The following IL7 variants were observed in gnomAD, a reference collection of about 807,000 sequenced individuals.
IL7 encodes the protein interleukin 7, also known as interleukin-7.
A neutral mutation model predicts 21.6 loss-of-function variants in IL7; 3 were observed. That is an observed-to-expected ratio of 0.14 (90% confidence interval 0.06 to 0.36). IL7 has a LOEUF of 0.36. Among genes scored for constraint, IL7 ranks in the 10% least tolerant of loss-of-function variants. IL7 has a pLI of 1.00. For synonymous variants in IL7, 62 were observed against 68.1 expected, an observed-to-expected ratio of 0.91 and a Z score of 0.44; for missense variants, 175 against 200.2, an observed-to-expected ratio of 0.87 and a Z score of 0.76.
chr8:78,761,632 G>A, intron 2 of IL7: 7 of 1,611,952 alleles, frequency 4.3e-6, no homozygotes, highest in Non-Finnish European at 5.9e-6. Context: ...CCACTACATC[G>A]TCAGTGATAA....
At chr8:78,769,650 C>A (rs958417615) in intron 2 of IL7, among the ~76,000 whole-genome samples, 38 of 152,238 alleles carry the variant, frequency 2.5e-4, no homozygotes, top group Non-Finnish European at 5.3e-4. Context: ...CATCAAGCTA[C>A]CAATGACTTT....
At chr8:78,759,736 G>T (rs929858993) in intron 2 of IL7, among the ~76,000 whole-genome samples, 6 of 152,112 alleles carry the variant, frequency 3.9e-5, no homozygotes, top group African/African-American at 1.4e-4. Context: ...TTAGTCAAAG[G>T]TCAATTGTGG....
At chr8:78,717,204 A>G, downstream of IL7, 1 of 826,446 alleles carries the variant, frequency 1.2e-6, no homozygotes, top group Admixed American at 3.4e-5. Context: ...AATTTGAACT[A>G]GAGGAATATT....
chr8:78,705,297 T>C (rs1190960200), intron 3 of IL7, among the ~76,000 whole-genome samples: 1 of 152,222 alleles, frequency 6.6e-6, no homozygotes, highest in Non-Finnish European at 1.5e-5. Context: ...TGGATGGGTT[T>C]GTTTTTTTGA....
chr8:78,793,548 CT>C (rs1813762595), intron 2 of IL7, among the ~76,000 whole-genome samples: 1 of 152,120 alleles, frequency 6.6e-6, no homozygotes. Context: ...CTGAAAAATG[CT>C]AACAATCATC....
At chr8:78,790,681 T>A (rs1292137044) in intron 2 of IL7, among the ~76,000 whole-genome samples, 1 of 151,938 alleles carries the variant, frequency 6.6e-6, no homozygotes, top group Non-Finnish European at 1.5e-5. Flanking sequence ...TAGATAATTT[T>A]AAAATAAAGA....
At chr8:78,781,374 T>C (rs1417460587) in intron 2 of IL7, among the ~76,000 whole-genome samples, 1 of 152,228 alleles carries the variant, frequency 6.6e-6, no homozygotes. Flanking sequence ...CTTTCCATAT[T>C]TAGTGCTTCC....
chr8:78,696,607 C>T (rs1339565767), intron 3 of IL7, among the ~76,000 whole-genome samples: 2 of 152,078 alleles, frequency 1.3e-5, no homozygotes, highest in Non-Finnish European at 2.9e-5. Flanking sequence ...AAAGATGTCT[C>T]TTTAGAGGAG....
chr8:78,752,480 C>G (rs1000052177), intron 2 of IL7, among the ~76,000 whole-genome samples: 1 of 152,136 alleles, frequency 6.6e-6, no homozygotes, highest in Non-Finnish European at 1.5e-5. Context: ...GGTGTGATAG[C>G]TCATTGTGGT....
intron 4 of IL7, among the ~76,000 whole-genome samples, chr8:78,683,621 C>T (rs1343021511): frequency 2.0e-5 from 3 of 151,996 alleles, no homozygotes; most frequent in Admixed American, 6.6e-5. Context: ...GAGGGGCTGC[C>T]CTGAAGGTCT....
chr8:78,751,092 A>C (rs1586068872), intron 2 of IL7, among the ~76,000 whole-genome samples: 1 of 70,888 alleles, frequency 1.4e-5, no homozygotes, highest in Non-Finnish European at 2.7e-5. Flanking sequence ...GCAAAAATTC[A>C]AAAAAAAAAA....
chr8:78,686,170 G>A (rs1809963626), intron 3 of IL7, among the ~76,000 whole-genome samples: 2 of 152,128 alleles, frequency 1.3e-5, no homozygotes, highest in African/African-American at 2.4e-5. Flanking sequence ...ATGAGTTTTG[G>A]AGGGAACATT....
intron 2 of IL7, among the ~76,000 whole-genome samples, chr8:78,779,249 C>T (rs1813236039): frequency 6.6e-6 from 1 of 152,078 alleles, no homozygotes; most frequent in Non-Finnish European, 1.5e-5. Flanking sequence ...GCCTGATTGC[C>T]CTGGCCAGAA....
At chr8:78,762,390 G>C in intron 2 of IL7, 3 of 1,612,002 alleles carry the variant, frequency 1.9e-6, no homozygotes, top group Admixed American at 1.7e-5. Flanking sequence ...CGGACTGCGT[G>C]CTCTTCCGCG....
chr8:78,761,747 G>A, intron 2 of IL7: 3 of 1,611,946 alleles, frequency 1.9e-6, no homozygotes, highest in Non-Finnish European at 2.5e-6. Context: ...ACAAAACAAC[G>A]TGTTAACTGC....
At chr8:78,689,199 G>GT (rs1416265043) in intron 3 of IL7, 1 of 1,445,774 alleles carries the variant, frequency 6.9e-7, no homozygotes, top group Non-Finnish European at 9.2e-7. Context: ...CTATTAATCT[G>GT]TTTCCGTTTT....
rs1811981603 is a variant in IL7 at position 78,746,477 on chromosome 8, G to C, written c.148-6395C>G. Among the ~76,000 whole-genome samples the C allele has an allele frequency of 4.6e-5, 7 of 152,340 alleles. No homozygotes were observed. In the South Asian group the frequency reaches 1.4e-3, roughly 32 times the overall value. ...CCCCCAAGTATCAATGTAAGAGAAA[G>C]CAAGGAGGAAGCCATGTCTTTTATT... On this transcript the variant is annotated intron_variant, in intron 2 of 5. Transcript: ENST00000263851.
intron 2 of IL7, among the ~76,000 whole-genome samples, chr8:78,784,193 G>T (rs1813434973): frequency 6.6e-6 from 1 of 152,126 alleles, no homozygotes; most frequent in Admixed American, 6.5e-5. Flanking sequence ...ATGAATGGTG[G>T]TAGTGCCTTA....
At chr8:78,686,921 C>A (rs1041779047) in intron 3 of IL7, among the ~76,000 whole-genome samples, 1 of 151,792 alleles carries the variant, frequency 6.6e-6, no homozygotes, top group Non-Finnish European at 1.5e-5. Flanking sequence ...ATGCTCACTG[C>A]GGATTGAAAT....
Sources: gnomAD v4.1 joint callset for allele counts (sites outside exome capture counted in the v4.1 genomes callset) on GRCh38, gnomAD v4.1.1 for gene constraint, MANE v1.5 for transcripts, NCBI Gene and HGNC (gene_info 2026-07-23, HGNC 2026-07-21) for gene names.